The following PDGFD variants were observed in gnomAD, a reference collection of about 807,000 sequenced individuals.
PDGFD encodes the protein platelet-derived growth factor D.
In PDGFD, 30 loss-of-function variants were observed where a neutral mutation model predicts 44.7. The observed-to-expected ratio is 0.67, with a 90% confidence interval of 0.50 to 0.91. PDGFD has a LOEUF of 0.91. Among genes scored for constraint, PDGFD ranks in the 40% least tolerant of loss-of-function variants. The pLI is 0.00. For synonymous variants in PDGFD, 173 were observed against 168.4 expected (o/e 1.03, Z -0.21); for missense variants, 445 against 457.8 (o/e 0.97, Z 0.25).
At chr11:104,086,298 C>T (rs1161389298) in intron 1 of PDGFD, among the ~76,000 whole-genome samples, 2 of 152,052 alleles carry the variant, frequency 1.3e-5, no homozygotes, top group Admixed American at 6.5e-5. Context: ...AGCACTCACT[C>T]GTCTATGTAA....
rs530437026 is a variant in PDGFD, at chr11:103,964,905, T to C, written c.511-17181A>G. On this transcript the variant is annotated intron_variant, in intron 3 of 6. Coordinates refer to ENST00000393158, the MANE Select transcript of PDGFD (RefSeq NM_025208.5). ...AAACTTTTCATAATATTCCAGTCAG[T>C]ATCATTTCAGGTGATATTTATATTT... Among the ~76,000 whole-genome samples, 3 of 151,962 alleles carry C rather than the reference T, an allele frequency of 2.0e-5. No individual in the cohort carries two copies. The South Asian group carries it at 6.2e-4, about 32-fold the overall frequency.
rs781524945 is a variant in PDGFD, at chr11:104,143,566, C to CCCCA, written c.124+20237_124+20238insTGGG. Among the ~76,000 whole-genome samples, 23 of 152,296 alleles carry CCCCA rather than the reference C, an allele frequency of 1.5e-4. No individual in the cohort carries two copies. In the South Asian group the frequency reaches 4.1e-3, roughly 27 times the overall value. ...GGGAAGCCTTAGTCCTTCCCCAGTT[C>CCCCA]TGGGATAGAAGCACCACCTAGGTGC... is the stretch of plus-strand genomic sequence containing the variant. On this transcript the variant is annotated intron_variant, in intron 1 of 6. Transcript: ENST00000393158.
intron 1 of PDGFD, among the ~76,000 whole-genome samples, chr11:104,004,196 T>C (rs893804359): frequency 6.6e-6 from 1 of 152,020 alleles, no homozygotes; most frequent in Admixed American, 6.6e-5. Context: ...GTAGAAGGGG[T>C]GGGGAGAGGG....
At chr11:103,992,342 G>A (rs529890016) in intron 3 of PDGFD, among the ~76,000 whole-genome samples, 3 of 152,254 alleles carry the variant, frequency 2.0e-5, no homozygotes, top group South Asian at 2.1e-4. Flanking sequence ...GCAGATAAGC[G>A]TGTATCTGGA....
chr11:103,923,527 A>G (rs571847319), intron 6 of PDGFD, among the ~76,000 whole-genome samples: 1 of 152,290 alleles, frequency 6.6e-6, no homozygotes, highest in African/African-American at 2.4e-5. Context: ...AACTCATTTC[A>G]CATCTCATCA....
intron 6 of PDGFD, among the ~76,000 whole-genome samples, chr11:103,913,121 G>T (rs952258908): frequency 6.6e-6 from 1 of 152,074 alleles, no homozygotes; most frequent in Non-Finnish European, 1.5e-5. Context: ...GGATATCCAG[G>T]AGTTGAACTG....
At chr11:104,025,476 C>A (rs1361492435) in intron 1 of PDGFD, among the ~76,000 whole-genome samples, 1 of 152,172 alleles carries the variant, frequency 6.6e-6, no homozygotes, top group Non-Finnish European at 1.5e-5. Flanking sequence ...AAATACAGTT[C>A]TGGTTTGTTT....
intron 1 of PDGFD, among the ~76,000 whole-genome samples, chr11:104,096,645 T>C (rs1861292995): frequency 6.6e-6 from 1 of 152,166 alleles, no homozygotes; most frequent in Admixed American, 6.6e-5. Context: ...GTTACAGGTG[T>C]CTTATTACAT....
intron 3 of PDGFD, among the ~76,000 whole-genome samples, chr11:103,963,090 T>G (rs7129240): frequency 0.04 from 6,049 of 152,198 alleles, 181 homozygotes; most frequent in African/African-American, 0.081. Context: ...GGGGCTGTTT[T>G]GAAGATTAAA....
intron 3 of PDGFD, among the ~76,000 whole-genome samples, chr11:103,994,159 A>G (rs1859499572): frequency 6.6e-6 from 1 of 152,232 alleles, no homozygotes. Flanking sequence ...TGCCTTAAAG[A>G]CATTATGTTG....
At chr11:103,928,920 A>C (rs1036808945) in intron 5 of PDGFD, among the ~76,000 whole-genome samples, 1 of 152,178 alleles carries the variant, frequency 6.6e-6, no homozygotes, top group Non-Finnish European at 1.5e-5. Flanking sequence ...TGGCCTGTGC[A>C]TTCCTGGGCT....
At chr11:103,946,200 T>C (rs955105921) in intron 4 of PDGFD, among the ~76,000 whole-genome samples, 3 of 152,058 alleles carry the variant, frequency 2.0e-5, no homozygotes, top group African/African-American at 7.2e-5. Context: ...AAAAACAAAG[T>C]ATGGTTTAAA....
intron 1 of PDGFD, among the ~76,000 whole-genome samples, chr11:104,029,730 T>C (rs964587479): frequency 6.6e-6 from 1 of 152,202 alleles, no homozygotes; most frequent in Admixed American, 6.5e-5. Flanking sequence ...GCTAGATCTT[T>C]CCTGTTTGGG....
intron 1 of PDGFD, among the ~76,000 whole-genome samples, chr11:104,113,866 C>T (rs1306519816): frequency 6.6e-6 from 1 of 152,048 alleles, no homozygotes; most frequent in Non-Finnish European, 1.5e-5. Context: ...TCCTTGATGA[C>T]ATGATTTCAT....
At chr11:103,939,568 C>T (rs562512787) in intron 5 of PDGFD, among the ~76,000 whole-genome samples, 8 of 152,086 alleles carry the variant, frequency 5.3e-5, no homozygotes, top group Admixed American at 2.0e-4. Flanking sequence ...GCCTGATTGC[C>T]CTGGAGGCAT....
intron 6 of PDGFD, among the ~76,000 whole-genome samples, chr11:103,910,413 G>C (rs1565281424): frequency 1.3e-5 from 2 of 152,166 alleles, no homozygotes; most frequent in South Asian, 2.1e-4. Context: ...CATCTCACTG[G>C]GACTGGTTAG....
intron 1 of PDGFD, among the ~76,000 whole-genome samples, chr11:104,146,403 G>A (rs999627384): frequency 1.3e-5 from 2 of 152,092 alleles, no homozygotes; most frequent in African/African-American, 4.8e-5. Flanking sequence ...TAGACAATGT[G>A]GTTAATCCTG....
At chr11:104,114,725 A>AT (rs1222361605) in intron 1 of PDGFD, among the ~76,000 whole-genome samples, 1 of 152,006 alleles carries the variant, frequency 6.6e-6, no homozygotes, top group Non-Finnish European at 1.5e-5. Context: ...CTTCCTATAC[A>AT]TGACCATAGA....
At chr11:103,918,740 C>T (rs906201814) in intron 6 of PDGFD, among the ~76,000 whole-genome samples, 32 of 152,164 alleles carry the variant, frequency 2.1e-4, no homozygotes, top group African/African-American at 7.7e-4. Context: ...ATTGGACTGC[C>T]TTACTGGATG....
Sources: gnomAD v4.1 joint callset for allele counts (sites outside exome capture counted in the v4.1 genomes callset) on GRCh38, gnomAD v4.1.1 for gene constraint, MANE v1.5 for transcripts, NCBI Gene and HGNC (gene_info 2026-07-23, HGNC 2026-07-21) for gene names.